PRELID2: variants seen among roughly 807,000 people sequenced by gnomAD.
PRELID2 encodes PRELI domain containing 2, also known as PRELI domain-containing protein 2.
Under a neutral mutation model 28.4 loss-of-function variants are expected in PRELID2, and 25 were observed. The observed-to-expected ratio is 0.88, with a 90% confidence interval of 0.64 to 1.23. PRELID2 has a LOEUF of 1.23. Ranked by LOEUF, PRELID2 falls within the 50% of genes most tolerant of loss-of-function variation. PRELID2 has a pLI of 0.00. For missense variants in PRELID2, 201 were observed against 214.4 expected (o/e 0.94, Z 0.39); for synonymous variants, 76 against 71.6 (o/e 1.06, Z -0.31).
At chr5:145,400,162 T>C in the PRELID2 span, among the ~76,000 whole-genome samples, 1 of 152,156 alleles carries the variant, frequency 6.6e-6, no homozygotes, top group Admixed American at 6.6e-5. Context: ...TGACTATTTT[T>C]TGAGATATCC....
At chr5:145,502,542 C>T (rs1462046809) in intron 1 of PRELID2, among the ~76,000 whole-genome samples, 1 of 152,092 alleles carries the variant, frequency 6.6e-6, no homozygotes. Flanking sequence ...TAAATTTTGT[C>T]TGCCACATTT....
chr5:145,529,629 A>G (rs2126659556), intron 1 of PRELID2, among the ~76,000 whole-genome samples: 1 of 152,318 alleles, frequency 6.6e-6, no homozygotes, highest in South Asian at 2.1e-4. Context: ...TCCAAGCACT[A>G]GGAAACAGCT....
chr5:145,264,969 TAAA>T, the PRELID2 span, among the ~76,000 whole-genome samples: 1,486 of 56,776 alleles, frequency 0.026, 20 homozygotes, highest in African/African-American at 0.067. Context: ...AGTGCAACTC[TAAA>T]AAAAAAAAAA....
Position 145,818,057 on chromosome 5 carries a change from G to T in PRELID2, c.208-3C>A. The T allele has an allele frequency of 1.4e-5, 22 of 1,611,136 alleles. No homozygotes were observed. Among genetic ancestry groups the T allele is most frequent in the Non-Finnish European group, 1.8e-5 (21 of 1,178,680 alleles). ...TTAGGTACTTTCAAAATGCTCACCT[G>T]TCCAACAGAAAGAAAATGGCTTTTT... On this transcript the variant is annotated splice_polypyrimidine_tract_variant and splice_region_variant and intron_variant, in intron 3 of 6. Transcript: ENST00000683046.
chr5:145,421,327 C>G, the PRELID2 span, among the ~76,000 whole-genome samples: 2 of 149,946 alleles, frequency 1.3e-5, no homozygotes, highest in African/African-American at 4.9e-5. Context: ...CCTCCTTGTA[C>G]CTCTGGTAGA....
intron 3 of PRELID2, 147 bp downstream of exon 3, chr5:145,819,798 G>T: frequency 1.5e-6 from 1 of 658,032 alleles, no homozygotes; most frequent in Non-Finnish European, 2.7e-6. Context: ...GGTTGGATAA[G>T]AAAGAGCTTT....
the PRELID2 span, among the ~76,000 whole-genome samples, chr5:145,393,469 C>T: frequency 6.6e-6 from 1 of 152,132 alleles, no homozygotes; most frequent in East Asian, 1.9e-4. Flanking sequence ...GGGCAGCCTC[C>T]AGAACAAGAA....
the PRELID2 span, among the ~76,000 whole-genome samples, chr5:145,376,603 T>G: frequency 6.6e-6 from 1 of 152,178 alleles, no homozygotes; most frequent in South Asian, 2.1e-4. Context: ...GATTCAGTTC[T>G]TCCTGGTTCA....
chr5:145,592,544 A>C (rs1171480460), intron 1 of PRELID2, among the ~76,000 whole-genome samples: 1 of 152,182 alleles, frequency 6.6e-6, no homozygotes, highest in Non-Finnish European at 1.5e-5. Context: ...AGTTGTAGAC[A>C]AGTGTGCAAA....
At chr5:145,332,942 T>A in the PRELID2 span, among the ~76,000 whole-genome samples, 2 of 152,160 alleles carry the variant, frequency 1.3e-5, no homozygotes, top group Admixed American at 1.3e-4. Flanking sequence ...GACCTTCAGA[T>A]GGGGTTTTTG....
At chr5:145,567,234 A>C (rs1414683781) in intron 1 of PRELID2, among the ~76,000 whole-genome samples, 2 of 152,182 alleles carry the variant, frequency 1.3e-5, no homozygotes, top group Non-Finnish European at 2.9e-5. Flanking sequence ...TTGTGTCCCC[A>C]CCCAAATCTC....
chr5:145,519,318 T>C (rs1418484652), intron 1 of PRELID2, among the ~76,000 whole-genome samples: 1 of 152,208 alleles, frequency 6.6e-6, no homozygotes, highest in Non-Finnish European at 1.5e-5. Flanking sequence ...AGGATGTGTA[T>C]AAATAATTGC....
chr5:145,635,300 T>C (rs1309472117), intron 1 of PRELID2, among the ~76,000 whole-genome samples: 2 of 152,130 alleles, frequency 1.3e-5, no homozygotes, highest in Non-Finnish European at 2.9e-5. Context: ...GAATCTAAAA[T>C]GGTTCTTAAT....
At chr5:145,822,139 A>G (rs1369751966) in intron 2 of PRELID2, among the ~76,000 whole-genome samples, 1 of 152,214 alleles carries the variant, frequency 6.6e-6, no homozygotes, top group Non-Finnish European at 1.5e-5. Context: ...AGAAGGGTAA[A>G]GAGCATGCTG....
chr5:145,286,356 C>T, the PRELID2 span, among the ~76,000 whole-genome samples: 2 of 152,164 alleles, frequency 1.3e-5, no homozygotes, highest in East Asian at 3.9e-4. Flanking sequence ...GCTGTTTTTT[C>T]AGGATTTACT....
the PRELID2 span, among the ~76,000 whole-genome samples, chr5:145,273,514 A>C: frequency 6.6e-6 from 1 of 152,126 alleles, no homozygotes; most frequent in East Asian, 1.9e-4. Context: ...GGAGGAAGGA[A>C]AAAATGAAGG....
chr5:145,368,064 ATGT>A, the PRELID2 span, among the ~76,000 whole-genome samples: 1 of 151,832 alleles, frequency 6.6e-6, no homozygotes, highest in Non-Finnish European at 1.5e-5. Context: ...GGGGTTGTCG[ATGT>A]TGTCTGAAAT....
chr5:145,794,061 A>G (rs1413751656), intron 5 of PRELID2, among the ~76,000 whole-genome samples: 3 of 152,176 alleles, frequency 2.0e-5, no homozygotes, highest in Non-Finnish European at 4.4e-5. Flanking sequence ...AAGAAAAGAA[A>G]TAAGCTATTT....
At chr5:145,266,870 G>C in the PRELID2 span, among the ~76,000 whole-genome samples, 1 of 151,862 alleles carries the variant, frequency 6.6e-6, no homozygotes, top group African/African-American at 2.4e-5. Flanking sequence ...ACAAAATAAT[G>C]GTATTTGCAG....
Sources: gnomAD v4.1 joint callset for allele counts (sites outside exome capture counted in the v4.1 genomes callset) on GRCh38, gnomAD v4.1.1 for gene constraint, MANE v1.5 for transcripts, NCBI Gene and HGNC (gene_info 2026-07-23, HGNC 2026-07-21) for gene names.